The following ZNF883 variants were observed in gnomAD, a reference collection of about 807,000 sequenced individuals.
The protein encoded by ZNF883 is zinc finger protein 883.
At chr9:112,999,384 G>C (rs1372907946), upstream of ZNF883, among the ~76,000 whole-genome samples, 2 of 152,068 alleles carry the variant, frequency 1.3e-5, no homozygotes, top group Admixed American at 6.5e-5. Flanking sequence ...AATGTGTGGG[G>C]TTGTTTCCAT....
exon 1 of ZNF883, chr9:112,997,715 T>G: frequency 6.2e-7 from 1 of 1,613,792 alleles, no homozygotes; most frequent in Non-Finnish European, 8.5e-7. Flanking sequence ...TTGCTTACAC[T>G]GGTAGGATTT....
chr9:112,992,058 C>T (rs10739383), intron 1 of ZNF883, among the ~76,000 whole-genome samples: 105,646 of 152,126 alleles, frequency 0.69, 37,586 homozygotes, highest in East Asian at 0.89. Context: ...TGTCTTTTAA[C>T]TGGGGGCATT....
chr9:112,999,957 C>A (rs1828407062), upstream of ZNF883: 1 of 152,126 alleles, frequency 6.6e-6, no homozygotes, highest in South Asian at 2.1e-4. Flanking sequence ...ATCAGATCCA[C>A]TATTGAGGCT....
intron 1 of ZNF883, among the ~76,000 whole-genome samples, chr9:112,989,257 T>G (rs1452584963): frequency 6.6e-6 from 1 of 152,168 alleles, no homozygotes; most frequent in African/African-American, 2.4e-5. Flanking sequence ...ATTTATAGTT[T>G]TGGGTTTTAA....
At chr9:112,998,188 A>G (rs1206031819) in exon 1 of ZNF883, 2 of 1,613,748 alleles carry the variant, frequency 1.2e-6, no homozygotes, top group African/African-American at 2.7e-5. Context: ...GGGATGCAAG[A>G]CAAGTGTAGC....
At chr9:112,988,555 T>C (rs1199656529) in intron 1 of ZNF883, among the ~76,000 whole-genome samples, 2 of 152,222 alleles carry the variant, frequency 1.3e-5, no homozygotes, top group African/African-American at 4.8e-5. Flanking sequence ...CAGTCTATCG[T>C]TGATTGGCAT....
chr9:113,010,770 G>A (rs748939897), intron 2 of ZNF883, among the ~76,000 whole-genome samples: 9 of 152,022 alleles, frequency 5.9e-5, no homozygotes, highest in African/African-American at 1.9e-4. Flanking sequence ...GGCAGATCAC[G>A]AGGTCAGGAG....
intron 2 of ZNF883, among the ~76,000 whole-genome samples, chr9:113,005,514 G>A (rs1293920020): frequency 6.6e-6 from 1 of 152,136 alleles, no homozygotes; most frequent in Non-Finnish European, 1.5e-5. Flanking sequence ...ATTCAGTACT[G>A]TTTTAAGTAT....
At chr9:113,000,667 G>A (rs1828413768), upstream of ZNF883, among the ~76,000 whole-genome samples, 1 of 152,112 alleles carries the variant, frequency 6.6e-6, no homozygotes. Context: ...GAGGCTGGAA[G>A]AATAGTGGTA....
At chr9:112,993,697 A>G (rs141967210), downstream of ZNF883, among the ~76,000 whole-genome samples, 467 of 152,296 alleles carry the variant, frequency 3.1e-3, 2 homozygotes, top group African/African-American at 0.011. Context: ...ACCCCTCCCC[A>G]CAAGAGCTCA....
exon 1 of ZNF883, chr9:112,997,383 A>G (rs763107414): frequency 1.4e-5 from 22 of 1,613,996 alleles, no homozygotes; most frequent in Non-Finnish European, 1.8e-5. Flanking sequence ...TTACATTGAT[A>G]GGGTTTCACA....
At chr9:113,003,108 C>CA (rs1828442191), upstream of ZNF883, among the ~76,000 whole-genome samples, 2 of 152,198 alleles carry the variant, frequency 1.3e-5, no homozygotes, top group Admixed American at 1.3e-4. Flanking sequence ...GCTGTGTCCC[C>CA]ACCCAAATCT....
chr9:112,993,493 G>A (rs964564551), downstream of ZNF883, among the ~76,000 whole-genome samples: 2 of 152,202 alleles, frequency 1.3e-5, no homozygotes, highest in Admixed American at 6.5e-5. Context: ...TACGGTGTCT[G>A]GTGACCTCTG....
chr9:112,997,821 G>T, exon 1 of ZNF883: 1 of 1,612,928 alleles, frequency 6.2e-7, no homozygotes, highest in Non-Finnish European at 8.5e-7. Flanking sequence ...TTTCCAGTAT[G>T]AATTCTATGA....
chr9:113,005,440 G>A (rs76623555), intron 2 of ZNF883, among the ~76,000 whole-genome samples: 7,796 of 152,154 alleles, frequency 0.051, 290 homozygotes, highest in African/African-American at 0.099. Flanking sequence ...TCTAATCCCA[G>A]AAATACAAAT....
exon 1 of ZNF883, chr9:112,997,868 C>G (rs1828379846): frequency 6.2e-7 from 1 of 1,613,412 alleles, no homozygotes; most frequent in African/African-American, 1.3e-5. Context: ...GAAAGCTTTC[C>G]CACATTCATT....
intron 2 of ZNF883, among the ~76,000 whole-genome samples, chr9:113,005,335 G>A (rs1210694202): frequency 6.6e-6 from 1 of 152,034 alleles, no homozygotes. Flanking sequence ...TAGGAAAAAT[G>A]TATAATGCAA....
At chr9:112,993,408 T>C (rs1828320605), downstream of ZNF883, among the ~76,000 whole-genome samples, 1 of 152,202 alleles carries the variant, frequency 6.6e-6, no homozygotes, top group Non-Finnish European at 1.5e-5. Context: ...ATAGCAAAGA[T>C]GGCTGCCTGC....
intron 2 of ZNF883, among the ~76,000 whole-genome samples, chr9:113,007,939 AGG>A (rs1564334947): frequency 6.6e-6 from 1 of 152,148 alleles, no homozygotes; most frequent in African/African-American, 2.4e-5. Flanking sequence ...AAGAAGGAAA[AGG>A]AGAAAAATTT....
Sources: gnomAD v4.1 joint callset for allele counts (sites outside exome capture counted in the v4.1 genomes callset) on GRCh38, gnomAD v4.1.1 for gene constraint, MANE v1.5 for transcripts, NCBI Gene and HGNC (gene_info 2026-07-23, HGNC 2026-07-21) for gene names.